The following TCAIM variants were observed in gnomAD, a reference collection of about 807,000 sequenced individuals.
The protein encoded by TCAIM is T-cell activation inhibitor, mitochondrial.
Under a neutral mutation model 58.6 loss-of-function variants are expected in TCAIM, and 36 were observed. The ratio of observed to expected loss-of-function variants is 0.61; its 90% CI spans 0.47 to 0.81. TCAIM has a LOEUF of 0.81. TCAIM is among the 30% of genes least tolerant of loss of function. The pLI, the probability that TCAIM is intolerant of heterozygous loss-of-function variation, is 0.00. For missense variants in TCAIM, 466 were observed against 579.6 expected (o/e 0.80, Z 2.01); for synonymous variants, 172 against 193.6 (o/e 0.89, Z 0.93).
chr3:44,355,096 GT>G (rs1313068810), intron 2 of TCAIM, among the ~76,000 whole-genome samples: 2 of 152,184 alleles, frequency 1.3e-5, no homozygotes, highest in Non-Finnish European at 2.9e-5. Flanking sequence ...ATGGTATTAT[GT>G]TTCAAGCATC....
chr3:44,375,552 C>T (rs1559572939), intron 5 of TCAIM, among the ~76,000 whole-genome samples: 1 of 152,226 alleles, frequency 6.6e-6, no homozygotes, highest in Non-Finnish European at 1.5e-5. Flanking sequence ...AACTTCCCAC[C>T]AGGCCCTGCC....
intron 4 of TCAIM, among the ~76,000 whole-genome samples, chr3:44,367,015 A>C (rs544995308): frequency 1.3e-5 from 2 of 152,330 alleles, no homozygotes; most frequent in African/African-American, 4.8e-5. Flanking sequence ...GACCACTGAG[A>C]CTAGATTATA....
chr3:44,374,575 G>T (rs1034883743), intron 5 of TCAIM, among the ~76,000 whole-genome samples: 1 of 152,018 alleles, frequency 6.6e-6, no homozygotes, highest in Non-Finnish European at 1.5e-5. Flanking sequence ...GGGCAATCTA[G>T]TAAGACCTTG....
At chr3:44,386,356 C>A (rs1432020418) in intron 5 of TCAIM, among the ~76,000 whole-genome samples, 3 of 152,184 alleles carry the variant, frequency 2.0e-5, no homozygotes, top group African/African-American at 7.2e-5. Flanking sequence ...CCATCTGGAG[C>A]AGCCACTGCT....
At position 44,406,640 on chromosome 3, in the gene TCAIM, G is replaced by C. The variant is rs116920697; in HGVS notation, c.1251-802G>C. Among the ~76,000 whole-genome samples the C allele has an allele frequency of 1.6e-4, 25 of 152,210 alleles. No homozygotes were observed. In the East Asian group the frequency reaches 4.8e-3, roughly 29 times the overall value. On this transcript the variant is annotated intron_variant, in intron 10 of 10. Transcript: ENST00000342649. ...CCTACTTTTCTATGCAGTGTTTAAGGGTGATTAAATGTAAGATATTTGGAC... is the reference window on the plus strand; with the variant it reads ...CCTACTTTTCTATGCAGTGTTTAAGCGTGATTAAATGTAAGATATTTGGAC...
intron 5 of TCAIM, among the ~76,000 whole-genome samples, chr3:44,388,484 T>G (rs1701779679): frequency 6.6e-6 from 1 of 152,190 alleles, no homozygotes; most frequent in Non-Finnish European, 1.5e-5. Context: ...AGTGACGTTG[T>G]GTTGTTTTCA....
At chr3:44,381,360 C>A (rs1289956352) in intron 5 of TCAIM, among the ~76,000 whole-genome samples, 1 of 151,946 alleles carries the variant, frequency 6.6e-6, no homozygotes, top group African/African-American at 2.4e-5. Context: ...AGAAACCCCA[C>A]GTGATCATTT....
At position 44,408,096 on chromosome 3, in the gene TCAIM, A is replaced by C. The variant is rs1702129087; in HGVS notation, c.*414A>C. 6.6e-6 allele frequency: 1 copy of C among 152,654 alleles called. No individual in the cohort carries two copies. The highest frequency in any genetic ancestry group is 2.4e-5 in the African/African-American group (1 of 41,462). The allele number at this position is 152,654 out of a possible 1,614,324, so 9.5% of individuals were successfully genotyped here. On this transcript the variant is annotated 3_prime_UTR_variant, in exon 11 of 11. Transcript: ENST00000342649. ...TGTTGGTTGGCAAGGCTAGATAAAAAGATGTTAGAATGAAAGAACATATTT... is the reference window on the plus strand; with the variant it reads ...TGTTGGTTGGCAAGGCTAGATAAAACGATGTTAGAATGAAAGAACATATTT...
In TCAIM at chr3:44,357,832, T is replaced by C. The variant is rs1262330611; in HGVS notation, c.121T>C (p.Phe41Leu). 6.2e-7 allele frequency: 1 copy of C among 1,614,168 alleles called. No homozygotes were observed. The highest frequency in any genetic ancestry group is 2.2e-5 in the East Asian group (1 of 44,868). ...EAVNALRPFY[F>L]AVHPDFFGQH... ...AGTCAATGCCTTGAGGCCTTTCTAT[T>C]TTGCAGTACATCCAGATTTCTTTGG... Residue 41 changes from phenylalanine to leucine, a missense_variant, in exon 3 of 11, where the codon TTT becomes CTT. By Grantham distance (22) the Phe-to-Leu change is conservative. Transcript: ENST00000342649.
At chr3:44,379,503 G>A (rs753881707) in intron 5 of TCAIM, among the ~76,000 whole-genome samples, 6 of 152,138 alleles carry the variant, frequency 3.9e-5, no homozygotes, top group South Asian at 2.1e-4. Flanking sequence ...CTGGTTAAGG[G>A]AAATGTGGTA....
At chr3:44,358,442 C>G (rs1054769827) in intron 3 of TCAIM, 5 of 569,508 alleles carry the variant, frequency 8.8e-6, no homozygotes, top group Non-Finnish European at 1.5e-5. Context: ...CAACCAACCT[C>G]AGACTGAAAA....
chr3:44,390,220 A>G (rs1366903428), intron 5 of TCAIM, among the ~76,000 whole-genome samples: 2 of 152,224 alleles, frequency 1.3e-5, no homozygotes, highest in African/African-American at 4.8e-5. Flanking sequence ...GTCAGTTTCA[A>G]TATTCTAAAC....
intron 5 of TCAIM, among the ~76,000 whole-genome samples, chr3:44,375,112 TCA>T (rs1428731844): frequency 6.6e-6 from 1 of 152,198 alleles, no homozygotes; most frequent in East Asian, 1.9e-4. Flanking sequence ...CATTTTATTA[TCA>T]GTTTTTTTCT....
intron 5 of TCAIM, among the ~76,000 whole-genome samples, chr3:44,381,319 A>G (rs1352544257): frequency 1.3e-5 from 2 of 152,168 alleles, no homozygotes; most frequent in African/African-American, 4.8e-5. Context: ...TACAAAATCA[A>G]TCAGTGCGAT....
At chr3:44,377,740 G>A (rs940988152) in intron 5 of TCAIM, among the ~76,000 whole-genome samples, 5 of 152,138 alleles carry the variant, frequency 3.3e-5, no homozygotes, top group Non-Finnish European at 7.4e-5. Flanking sequence ...TCACAAAATT[G>A]TGGAAATTAA....
intron 5 of TCAIM, among the ~76,000 whole-genome samples, chr3:44,372,008 GAGAA>G (rs1195407643): frequency 1.1e-4 from 15 of 130,532 alleles, no homozygotes; most frequent in African/African-American, 4.6e-4. Context: ...GAGAGAAAGA[GAGAA>G]GGAAGGAAGG....
rs764175238 is a variant in TCAIM at position 44,367,709 on chromosome 3, G to C, written c.572+1G>C. 1 of 1,598,810 alleles carries C rather than the reference G, an allele frequency of 6.3e-7. No individual in the cohort carries two copies. The highest frequency in any genetic ancestry group is 1.3e-5 in the African/African-American group (1 of 74,482). On this transcript the variant is annotated splice_donor_variant, in intron 5 of 10. Transcript: ENST00000342649. LOFTEE classifies it high-confidence loss of function. ...TCTCGAGAGTGGAAACAACTCTCAC[G>C]TATGTAAAAGTTTTTATCTAACTAA...
intron 5 of TCAIM, among the ~76,000 whole-genome samples, chr3:44,372,021 GGAAGGAAGGA>G (rs1701480904): frequency 1.3e-5 from 1 of 75,990 alleles, no homozygotes; most frequent in Non-Finnish European, 2.9e-5. Context: ...AAGGAAGGAA[GGAAGGAAGGA>G]AGGAAGGAAG....
intron 5 of TCAIM, among the ~76,000 whole-genome samples, chr3:44,384,399 G>T (rs780563636): frequency 1.4e-4 from 21 of 152,180 alleles, no homozygotes; most frequent in Non-Finnish European, 1.9e-4. Context: ...ATGCTGTCTA[G>T]TGATCTCACT....
Sources: allele counts gnomAD v4.1 joint callset (sites outside exome capture counted in the v4.1 genomes callset), GRCh38; gene constraint gnomAD v4.1.1; transcripts MANE v1.5; gene names NCBI Gene and HGNC (gene_info 2026-07-23, HGNC 2026-07-21).